Variants in MLLT3 observed in about 807,000 individuals in gnomAD.
MLLT3 encodes the protein protein AF-9.
Under a neutral mutation model 53.2 loss-of-function variants are expected in MLLT3, and 4 were observed. That is an observed-to-expected ratio of 0.08 (90% CI 0.04 to 0.17). The LOEUF is 0.17. Among genes scored for constraint, MLLT3 ranks in the 10% least tolerant of loss-of-function variants. The pLI is 1.00. For missense variants in MLLT3, 569 were observed against 684.0 expected (o/e 0.83, Z 1.87); for synonymous variants, 283 against 230.6 (o/e 1.23, Z -2.06).
At chr9:20,606,953 C>A (rs1286038212) in intron 2 of MLLT3, among the ~76,000 whole-genome samples, 1 of 152,078 alleles carries the variant, frequency 6.6e-6, no homozygotes, top group Non-Finnish European at 1.5e-5. Flanking sequence ...ATAAAGAAAA[C>A]TCAGAGGTCT....
At chr9:20,375,595 T>G (rs1360552886) in intron 5 of MLLT3, among the ~76,000 whole-genome samples, 46 of 135,608 alleles carry the variant, frequency 3.4e-4, no homozygotes, top group Admixed American at 3.2e-3. Flanking sequence ...TCAGTAATTT[T>G]TTTTTTTTTC....
At chr9:20,546,626 C>T (rs1288665291) in intron 2 of MLLT3, among the ~76,000 whole-genome samples, 1 of 151,978 alleles carries the variant, frequency 6.6e-6, no homozygotes, top group African/African-American at 2.4e-5. Context: ...CTTAAGCATA[C>T]CTGCGAATGA....
At chr9:20,585,919 C>A (rs1819946573) in intron 2 of MLLT3, among the ~76,000 whole-genome samples, 2 of 152,148 alleles carry the variant, frequency 1.3e-5, no homozygotes, top group Non-Finnish European at 2.9e-5. Flanking sequence ...GAATAAGAAT[C>A]ACCAATGGTC....
At chr9:20,358,957 C>T (rs1821245754) in intron 8 of MLLT3, among the ~76,000 whole-genome samples, 1 of 151,674 alleles carries the variant, frequency 6.6e-6, no homozygotes, top group Non-Finnish European at 1.5e-5. Flanking sequence ...CCATCCTGGC[C>T]AACATGGTGA....
chr9:20,504,036 G>A (rs965350573), intron 2 of MLLT3, among the ~76,000 whole-genome samples: 3 of 151,970 alleles, frequency 2.0e-5, no homozygotes, highest in African/African-American at 7.2e-5. Flanking sequence ...GGCTATTATC[G>A]AAAAGATGAA....
Position 20,615,376 on chromosome 9 carries a change from A to C in MLLT3, c.193+5278T>G, listed in dbSNP as rs60830600. On this transcript the variant is annotated intron_variant, in intron 2 of 10. Coordinates refer to ENST00000380338, the MANE Select transcript of MLLT3 (RefSeq NM_004529.4). ...AGACCATGTGAAAAAAAAAAAAAAA[A>C]AAAAAAAAAAAAAAAAAAAAGAATG... 8.6e-4 allele frequency among the ~76,000 whole-genome samples: 125 copies of C among 144,776 alleles called. 1 individual carries two copies. The highest frequency in any genetic ancestry group is 3.5e-3 in the Middle Eastern group (1 of 286). The allele number at this position is 144,776 out of a possible 152,430, so 95.0% of individuals were successfully genotyped here.
intron 2 of MLLT3, among the ~76,000 whole-genome samples, chr9:20,541,284 T>G (rs1190443432): frequency 6.6e-6 from 1 of 152,220 alleles, no homozygotes; most frequent in Non-Finnish European, 1.5e-5. Context: ...AACCTCTGCC[T>G]GGTACCCCGT....
chr9:20,454,369 T>C (rs1328004556), intron 3 of MLLT3, among the ~76,000 whole-genome samples: 3 of 152,182 alleles, frequency 2.0e-5, no homozygotes, highest in Non-Finnish European at 4.4e-5. Flanking sequence ...CCAGTTATTT[T>C]TGTAAAGCAG....
At chr9:20,451,527 A>G (rs1823838479) in intron 3 of MLLT3, among the ~76,000 whole-genome samples, 1 of 152,180 alleles carries the variant, frequency 6.6e-6, no homozygotes, top group African/African-American at 2.4e-5. Flanking sequence ...TGATTTTTTT[A>G]AAGATTTTTT....
At chr9:20,466,821 G>A (rs1166703489) in intron 2 of MLLT3, among the ~76,000 whole-genome samples, 1 of 152,178 alleles carries the variant, frequency 6.6e-6, no homozygotes, top group African/African-American at 2.4e-5. Context: ...GTTATAGGAG[G>A]TTGCTCACAA....
At chr9:20,351,304 C>T (rs191889407) in intron 10 of MLLT3, among the ~76,000 whole-genome samples, 1 of 152,220 alleles carries the variant, frequency 6.6e-6, no homozygotes, top group Non-Finnish European at 1.5e-5. Flanking sequence ...TGGTTTCCCA[C>T]AGAGTTTTCT....
chr9:20,565,824 T>C (rs1310422067), intron 2 of MLLT3, among the ~76,000 whole-genome samples: 1 of 149,124 alleles, frequency 6.7e-6, no homozygotes, highest in Non-Finnish European at 1.5e-5. Flanking sequence ...AGCTACTCTG[T>C]CCATCGTGGG....
chr9:20,434,690 T>C (rs915227824), intron 4 of MLLT3, among the ~76,000 whole-genome samples: 2 of 152,194 alleles, frequency 1.3e-5, no homozygotes, highest in African/African-American at 2.4e-5. Context: ...AAGCCTTTTC[T>C]AATAAAAGGA....
intron 2 of MLLT3, among the ~76,000 whole-genome samples, chr9:20,565,120 AC>A (rs1398649827): frequency 1.3e-5 from 2 of 151,622 alleles, no homozygotes; most frequent in African/African-American, 2.4e-5. Flanking sequence ...TCTCTGGTTT[AC>A]TGACTGATAT....
At chr9:20,603,736 G>A (rs1251615766) in intron 2 of MLLT3, among the ~76,000 whole-genome samples, 1 of 151,970 alleles carries the variant, frequency 6.6e-6, no homozygotes, top group African/African-American at 2.4e-5. Flanking sequence ...TTTGCAGGAA[G>A]CCTTTGTGCT....
chr9:20,516,756 C>T (rs913597887), intron 2 of MLLT3, among the ~76,000 whole-genome samples: 2 of 152,132 alleles, frequency 1.3e-5, no homozygotes, highest in African/African-American at 4.8e-5. Context: ...CACATTTTAC[C>T]TCAACTCTGT....
At chr9:20,598,491 A>C (rs1446617190) in intron 2 of MLLT3, among the ~76,000 whole-genome samples, 1 of 152,154 alleles carries the variant, frequency 6.6e-6, no homozygotes, top group African/African-American at 2.4e-5. Context: ...TAACCATCCA[A>C]CCTGTAAGTT....
At chr9:20,577,112 C>T (rs528395621) in intron 2 of MLLT3, among the ~76,000 whole-genome samples, 4 of 152,322 alleles carry the variant, frequency 2.6e-5, no homozygotes, top group Non-Finnish European at 4.4e-5. Context: ...ACATATAACT[C>T]TTTCTACCTG....
chr9:20,497,085 T>C (rs1825096343), intron 2 of MLLT3, among the ~76,000 whole-genome samples: 1 of 152,266 alleles, frequency 6.6e-6, no homozygotes, highest in African/African-American at 2.4e-5. Flanking sequence ...CAAAACGGTT[T>C]ACTTGTTGGC....
Sources: gnomAD v4.1 joint callset for allele counts (sites outside exome capture counted in the v4.1 genomes callset) on GRCh38, gnomAD v4.1.1 for gene constraint, MANE v1.5 for transcripts, NCBI Gene and HGNC (gene_info 2026-07-23, HGNC 2026-07-21) for gene names.